SLC38A6: variants seen among roughly 807,000 people sequenced by gnomAD.
SLC38A6 encodes the protein solute carrier family 38 member 6.
In SLC38A6, 73 loss-of-function variants were observed where a neutral mutation model predicts 65.0. The observed-to-expected ratio is 1.12, with a 90% CI of 0.93 to 1.37. The LOEUF is 1.37. Among genes scored for constraint, SLC38A6 ranks in the 40% most tolerant of loss-of-function variants. The probability of loss-of-function intolerance (pLI) is 0.00; values close to 1 mark genes in which losing one functional copy is unlikely to be tolerated. For missense variants in SLC38A6, 561 were observed against 531.1 expected (o/e 1.06, Z -0.55); for synonymous variants, 183 against 178.8 (o/e 1.02, Z -0.19).
intron 10 of SLC38A6, 148 bp from the exon 11 acceptor site, chr14:61,045,198 A>T: frequency 1.7e-6 from 1 of 575,536 alleles, no homozygotes; most frequent in East Asian, 3.0e-5. Context: ...TCTTTTAAAA[A>T]ATTCTTATTT....
chr14:60,985,247 T>C (rs1321612959), intron 3 of SLC38A6, among the ~76,000 whole-genome samples: 2 of 152,254 alleles, frequency 1.3e-5, no homozygotes, highest in Non-Finnish European at 2.9e-5. Context: ...AAAGCTTTAA[T>C]TTATTTAGAC....
At chr14:61,068,329 A>G (rs2043102263) in intron 15 of SLC38A6, among the ~76,000 whole-genome samples, 1 of 152,118 alleles carries the variant, frequency 6.6e-6, no homozygotes, top group Admixed American at 6.6e-5. Flanking sequence ...TAAAAATTCA[A>G]ATCAGATTAT....
chr14:61,020,533 A>T (rs1315823142), intron 5 of SLC38A6, among the ~76,000 whole-genome samples: 3 of 152,162 alleles, frequency 2.0e-5, no homozygotes, highest in African/African-American at 7.2e-5. Flanking sequence ...GGAAAAATTG[A>T]CATTCCACCA....
intron 8 of SLC38A6, among the ~76,000 whole-genome samples, chr14:61,041,589 G>A (rs2041817904): frequency 6.6e-6 from 1 of 152,148 alleles, no homozygotes; most frequent in Non-Finnish European, 1.5e-5. Flanking sequence ...ACCACTGTTA[G>A]TTAGGGGAAA....
At position 61,045,460 on chromosome 14, in the gene SLC38A6, G is replaced by T. The variant is rs1239467517; in HGVS notation, c.824+35G>T. On this transcript the variant is annotated intron_variant, in intron 11 of 15. Transcript: ENST00000267488. ...AATCCTGGAATATTTTAAATATATT[G>T]TGTATCTTTTTACCTCTAAGGCTTT... 2.7e-6 allele frequency: 4 copies of T among 1,499,064 alleles called. No individual in the cohort carries two copies. The African/African-American group carries it at 4.2e-5, about 16-fold the overall frequency. The allele number at this position is 1,499,064 out of a possible 1,614,324, so 92.9% of individuals were successfully genotyped here. A position where few individuals can be genotyped will look rare whatever the true frequency, so the allele number is the denominator to read the frequency against.
At chr14:61,005,618 C>T (rs2039048605) in intron 3 of SLC38A6, among the ~76,000 whole-genome samples, 1 of 152,076 alleles carries the variant, frequency 6.6e-6, no homozygotes, top group African/African-American at 2.4e-5. Flanking sequence ...AGGAATCCAA[C>T]TTAGAAGGGA....
chr14:60,984,891 A>G (rs1566603916), intron 3 of SLC38A6, 88 bp downstream of exon 3: 2 of 1,230,218 alleles, frequency 1.6e-6, no homozygotes, highest in African/African-American at 1.5e-5. Flanking sequence ...CAAATCTAAT[A>G]TCCAGTGAGC....
chr14:61,082,111 A>G (rs2043679091), intron 16 of SLC38A6, among the ~76,000 whole-genome samples: 1 of 152,074 alleles, frequency 6.6e-6, no homozygotes, highest in Admixed American at 6.5e-5. Context: ...ACTTCCTAAC[A>G]CAGTGTCCCC....
chr14:61,013,618 G>A (rs2039756492), intron 3 of SLC38A6, among the ~76,000 whole-genome samples: 1 of 152,128 alleles, frequency 6.6e-6, no homozygotes, highest in East Asian at 1.9e-4. Flanking sequence ...TGTCTGTAAA[G>A]GATTTTATTT....
chr14:61,014,633 G>A (rs1283007712), intron 3 of SLC38A6, among the ~76,000 whole-genome samples: 1 of 152,204 alleles, frequency 6.6e-6, no homozygotes, highest in East Asian at 1.9e-4. Flanking sequence ...GTCTGTTGGA[G>A]TTTACTGGAA....
At position 60,991,453 on chromosome 14, in the gene SLC38A6, C is replaced by G. The variant is rs559156254; in HGVS notation, c.310+6650C>G. Among the ~76,000 whole-genome samples the G allele has an allele frequency of 2.6e-5, 4 of 152,174 alleles. No individual in the cohort carries two copies. In the South Asian group the frequency reaches 8.3e-4, roughly 32 times the overall value. ...ATTTTTTGAAATGAGGTAACTGTGG[C>G]ACAGAGAGGTTAAAGTAACTTGTCC... On this transcript the variant is annotated intron_variant, in intron 3 of 15. Transcript: ENST00000267488.
chr14:61,051,657 TA>T, intron 13 of SLC38A6, 129 bp from the exon 14 acceptor site: 1 of 886,016 alleles, frequency 1.1e-6, no homozygotes, highest in Non-Finnish European at 1.7e-6. Flanking sequence ...AATAATAGTT[TA>T]TGCTGTATTT....
At chr14:61,077,190 C>A (rs1038971919) in intron 15 of SLC38A6, among the ~76,000 whole-genome samples, 1 of 152,126 alleles carries the variant, frequency 6.6e-6, no homozygotes, top group African/African-American at 2.4e-5. Context: ...AGTTATTTAT[C>A]TCATCAAAGA....
chr14:61,006,362 A>C (rs1407939701), intron 3 of SLC38A6, among the ~76,000 whole-genome samples: 2 of 152,274 alleles, frequency 1.3e-5, no homozygotes, highest in African/African-American at 4.8e-5. Flanking sequence ...TCTTCACAGC[A>C]AAAGAAACTA....
chr14:61,015,411 C>T (rs1157576572), intron 3 of SLC38A6, among the ~76,000 whole-genome samples: 1 of 152,110 alleles, frequency 6.6e-6, no homozygotes, highest in Non-Finnish European at 1.5e-5. Context: ...TCCAACACTC[C>T]CCAGTGAGAT....
chr14:60,996,498 C>G (rs2038304211), intron 3 of SLC38A6, among the ~76,000 whole-genome samples: 1 of 151,780 alleles, frequency 6.6e-6, no homozygotes. Flanking sequence ...AAGATCAGTC[C>G]AGGAAGTCCA....
intron 8 of SLC38A6, among the ~76,000 whole-genome samples, chr14:61,039,465 G>C (rs541008440): frequency 6.6e-6 from 1 of 151,852 alleles, no homozygotes; most frequent in Non-Finnish European, 1.5e-5. Flanking sequence ...ACATCTCCTG[G>C]GTTCAAGCAA....
chr14:61,001,196 C>T (rs1273812575), intron 3 of SLC38A6, among the ~76,000 whole-genome samples: 1 of 152,218 alleles, frequency 6.6e-6, no homozygotes, highest in East Asian at 1.9e-4. Flanking sequence ...AGGCAAGGGG[C>T]TATTGGCAGG....
At chr14:60,984,321 G>A (rs2139672171) in intron 2 of SLC38A6, among the ~76,000 whole-genome samples, 1 of 152,224 alleles carries the variant, frequency 6.6e-6, no homozygotes, top group African/African-American at 2.4e-5. Flanking sequence ...TGGAAGTAGA[G>A]GGAGGAAGGG....
Sources: allele counts gnomAD v4.1 joint callset (sites outside exome capture counted in the v4.1 genomes callset), GRCh38; gene constraint gnomAD v4.1.1; transcripts MANE v1.5; gene names NCBI Gene and HGNC (gene_info 2026-07-23, HGNC 2026-07-21).